PDE4B: variants seen among roughly 807,000 people sequenced by gnomAD.
PDE4B encodes 3',5'-cyclic-AMP phosphodiesterase 4B.
PDE4B carries 20 observed loss-of-function variants against 82.2 expected under a neutral mutation model. The ratio of observed to expected loss-of-function variants is 0.24; its 90% CI spans 0.17 to 0.35. PDE4B has a LOEUF of 0.35. Ranked by LOEUF, PDE4B falls within the 10% of genes least tolerant of loss-of-function variation. The pLI, the probability that PDE4B is intolerant of heterozygous loss-of-function variation, is 1.00. For synonymous variants in PDE4B, 320 were observed against 318.9 expected (o/e 1.00, Z -0.04); for missense variants, 655 against 907.2 (o/e 0.72, Z 3.57).
intron 1 of PDE4B, among the ~76,000 whole-genome samples, chr1:65,871,245 C>A (rs1646569798): frequency 6.6e-6 from 1 of 152,082 alleles, no homozygotes; most frequent in Non-Finnish European, 1.5e-5. Context: ...CAGAATTGAT[C>A]CAGGACCTTG....
intron 3 of PDE4B, among the ~76,000 whole-genome samples, chr1:66,151,506 C>T (rs1314065189): frequency 6.6e-6 from 1 of 152,116 alleles, no homozygotes; most frequent in Non-Finnish European, 1.5e-5. Flanking sequence ...ATTCAAATTC[C>T]CAGAAATAAG....
intron 7 of PDE4B, among the ~76,000 whole-genome samples, chr1:66,298,788 C>T (rs926746417): frequency 2.6e-5 from 4 of 152,120 alleles, no homozygotes; most frequent in Non-Finnish European, 5.9e-5. Flanking sequence ...TTCATCTACT[C>T]AGCCTTCTAC....
At chr1:66,330,023 T>A (rs1048927255) in intron 7 of PDE4B, among the ~76,000 whole-genome samples, 2 of 152,216 alleles carry the variant, frequency 1.3e-5, no homozygotes, top group African/African-American at 4.8e-5. Context: ...TTGATTGCAT[T>A]CATAGGTAGC....
chr1:65,809,623 T>A (rs1243310764), intron 1 of PDE4B, among the ~76,000 whole-genome samples: 2 of 152,202 alleles, frequency 1.3e-5, no homozygotes, highest in African/African-American at 4.8e-5. Context: ...GTACATGATA[T>A]AGGATATTTA....
chr1:66,101,100 C>T (rs966407230), intron 3 of PDE4B, among the ~76,000 whole-genome samples: 20 of 152,070 alleles, frequency 1.3e-4, no homozygotes, highest in African/African-American at 3.6e-4. Context: ...TTTGTCCCTG[C>T]GATAGTTTGC....
chr1:65,800,201 T>C (rs1311954182), intron 1 of PDE4B, among the ~76,000 whole-genome samples: 1 of 152,194 alleles, frequency 6.6e-6, no homozygotes, highest in Non-Finnish European at 1.5e-5. Flanking sequence ...AAGGCCAGTA[T>C]TGAAATTACT....
At chr1:66,089,197 C>T (rs932711466) in intron 3 of PDE4B, among the ~76,000 whole-genome samples, 42 of 152,082 alleles carry the variant, frequency 2.8e-4, no homozygotes, top group African/African-American at 9.9e-4. Context: ...AATAATTATA[C>T]TGAATTTGCC....
At chr1:66,015,392 CA>C (rs1390873774) in intron 3 of PDE4B, among the ~76,000 whole-genome samples, 1 of 151,972 alleles carries the variant, frequency 6.6e-6, no homozygotes, top group African/African-American at 2.4e-5. Flanking sequence ...TAATTTATAA[CA>C]CCCAGGCTTG....
At chr1:66,206,678 A>T (rs1427375602) in intron 3 of PDE4B, among the ~76,000 whole-genome samples, 1 of 152,226 alleles carries the variant, frequency 6.6e-6, no homozygotes, top group Non-Finnish European at 1.5e-5. Flanking sequence ...TAAGGAAACT[A>T]GTAAGTGACA....
At chr1:65,979,162 AT>A (rs1429176500) in intron 3 of PDE4B, among the ~76,000 whole-genome samples, 1 of 152,216 alleles carries the variant, frequency 6.6e-6, no homozygotes, top group East Asian at 1.9e-4. Context: ...TGATTCACAG[AT>A]TCTGGGTCTT....
In PDE4B at chr1:66,013,550, C is replaced by A. The variant is rs569003201; in HGVS notation, c.281+94715C>A. Among the ~76,000 whole-genome samples the A allele has an allele frequency of 2.6e-5, 4 of 152,046 alleles. No individual in the cohort carries two copies. In the South Asian group the frequency reaches 6.3e-4, roughly 24 times the overall value. ...CTAGGTGTACAGTTCAGTAGTGTTA[C>A]GTAATTCACATTCTTGTGCAACCAG... is the stretch of plus-strand genomic sequence containing the variant. On this transcript the variant is annotated intron_variant, in intron 3 of 16. Coordinates refer to ENST00000341517, the MANE Select transcript of PDE4B (RefSeq NM_002600.4).
At chr1:66,235,274 G>T (rs1161143551) in intron 3 of PDE4B, among the ~76,000 whole-genome samples, 1 of 151,884 alleles carries the variant, frequency 6.6e-6, no homozygotes, top group Non-Finnish European at 1.5e-5. Context: ...ATCCTTACTG[G>T]GTTTCTGTCT....
At chr1:66,106,536 T>A (rs1645361132) in intron 3 of PDE4B, among the ~76,000 whole-genome samples, 1 of 150,436 alleles carries the variant, frequency 6.6e-6, no homozygotes, top group Admixed American at 6.6e-5. Flanking sequence ...CTTGTACCTC[T>A]GGTAGAATTC....
intron 3 of PDE4B, among the ~76,000 whole-genome samples, chr1:66,174,553 C>T (rs1218962338): frequency 2.0e-5 from 3 of 151,948 alleles, no homozygotes; most frequent in African/African-American, 7.3e-5. Flanking sequence ...GTCAGGAGTT[C>T]GAGACCAGCC....
At chr1:65,941,721 T>C (rs1466954528) in intron 3 of PDE4B, among the ~76,000 whole-genome samples, 1 of 152,116 alleles carries the variant, frequency 6.6e-6, no homozygotes, top group Admixed American at 6.6e-5. Flanking sequence ...TGACAACATG[T>C]GCATTACCTC....
chr1:66,056,395 G>T (rs1655292288), intron 3 of PDE4B, among the ~76,000 whole-genome samples: 1 of 151,878 alleles, frequency 6.6e-6, no homozygotes, highest in Non-Finnish European at 1.5e-5. Context: ...TTGCTTTGAA[G>T]GTGGAGGAAG....
At chr1:66,099,944 T>C (rs1191204311) in intron 3 of PDE4B, among the ~76,000 whole-genome samples, 2 of 152,142 alleles carry the variant, frequency 1.3e-5, no homozygotes, top group Admixed American at 6.6e-5. Context: ...GCCCTTCCTT[T>C]AACATCACTT....
At chr1:66,028,889 C>G (rs1191278368) in intron 3 of PDE4B, among the ~76,000 whole-genome samples, 1 of 152,196 alleles carries the variant, frequency 6.6e-6, no homozygotes, top group East Asian at 1.9e-4. Flanking sequence ...CAAGAAGTCT[C>G]TAGGAAGTTC....
At chr1:65,910,207 C>T (rs1325258184) in intron 1 of PDE4B, among the ~76,000 whole-genome samples, 2 of 152,224 alleles carry the variant, frequency 1.3e-5, no homozygotes, top group African/African-American at 4.8e-5. Flanking sequence ...AATCCTCCAT[C>T]TCTGTTAGCC....
Sources: allele counts gnomAD v4.1 joint callset (sites outside exome capture counted in the v4.1 genomes callset), GRCh38; gene constraint gnomAD v4.1.1; transcripts MANE v1.5; gene names NCBI Gene and HGNC (gene_info 2026-07-23, HGNC 2026-07-21).